The following KCNJ14 variants were observed in gnomAD, a reference collection of about 807,000 sequenced individuals.
The protein encoded by KCNJ14 is ATP-sensitive inward rectifier potassium channel 14.
KCNJ14 carries 18 observed loss-of-function variants against 24.5 expected under a neutral mutation model. That is an observed-to-expected ratio of 0.74 (90% CI 0.51 to 1.09). KCNJ14 has a LOEUF of 1.09. KCNJ14 is among the 50% of genes least tolerant of loss of function. KCNJ14 has a pLI of 0.00. For missense variants in KCNJ14, 633 were observed against 623.0 expected (o/e 1.02, Z -0.17); for synonymous variants, 288 against 270.8 (o/e 1.06, Z -0.63).
Position 48,462,426 on chromosome 19 carries a change from C to T in KCNJ14, c.702C>T (p.Ala234=), listed in dbSNP as rs1397617352. 4 of 1,479,030 alleles carry T rather than the reference C, an allele frequency of 2.7e-6. No homozygotes were observed. The highest frequency in any genetic ancestry group is 2.7e-6 in the Non-Finnish European group (3 of 1,111,134). 91.6% of individuals were successfully genotyped at this position (1,479,030 alleles called of 1,614,324 possible). A position where few individuals can be genotyped will look rare whatever the true frequency, so the allele number is the denominator to read the frequency against. The change falls in exon 2 of 3, where the codon GCC becomes GCT. Residue 234 remains alanine (A), a synonymous_variant. Transcript: ENST00000342291. The surrounding 1 kb of genome is among the most constrained non-coding windows in gnomAD (Gnocchi z 4.9). ...ACCTGGTCGAGGCCCACGTGCGTGC[C>T]CAGCTGCTGCAGGTGCGCCCGGGAG... is the stretch of plus-strand genomic sequence containing the variant. The part of the protein sequence containing the change: ...RSHLVEAHVR[A]QLLQPRVTPE...
rs945716911 is a variant in KCNJ14 at position 48,455,765 on chromosome 19, G to A, written c.-149G>A. 2 of 152,262 alleles carry A rather than the reference G, an allele frequency of 1.3e-5. No individual in the cohort carries two copies. Among genetic ancestry groups the A allele is most frequent in the Admixed American group, 6.5e-5 (1 of 15,276 alleles). 9.4% of individuals were successfully genotyped at this position (152,262 alleles called of 1,614,324 possible). On this transcript the variant is annotated 5_prime_UTR_variant, in exon 1 of 3. Transcript: ENST00000342291. Reference sequence around the variant, plus strand: ...CAACCAGCATTCCCCCTGGCACTGCGGGGGCCTGGCCAGCTCATGGCGTTC... The same window carrying A: ...CAACCAGCATTCCCCCTGGCACTGCAGGGGCCTGGCCAGCTCATGGCGTTC...
chr19:48,462,074 A>T lies in KCNJ14; in HGVS notation c.350A>T (p.Asp117Val), dbSNP rs1601011552. Reference sequence around the variant, plus strand: ...TGGCTCATTGCCTCGCTGCACGGCGACCTGGCCGCCCCGCCACCGCCCGCG... The same window carrying T: ...TGGCTCATTGCCTCGCTGCACGGCGTCCTGGCCGCCCCGCCACCGCCCGCG... ...AFWLIASLHG[D>V]LAAPPPPAPC... Residue 117 changes from aspartate to valine, a missense_variant, in exon 2 of 3, where the codon GAC (aspartate) becomes GTC (valine). Coordinates refer to ENST00000342291, the MANE Select transcript of KCNJ14 (RefSeq NM_013348.4). This position sits in a 1 kb window ranked among gnomAD's most constrained non-coding sequence, Gnocchi z 4.9. 6.2e-7 allele frequency: 1 copy of T among 1,606,794 alleles called. No individual in the cohort carries two copies. Among genetic ancestry groups the T allele is most frequent in the Non-Finnish European group, 8.5e-7 (1 of 1,178,578 alleles).
intron 1 of KCNJ14, among the ~76,000 whole-genome samples, chr19:48,459,337 T>G (rs970606677): frequency 6.6e-6 from 1 of 151,828 alleles, no homozygotes; most frequent in Admixed American, 6.6e-5. Flanking sequence ...AAGTTCCTCA[T>G]CAGGTATATG....
In KCNJ14 at chr19:48,462,504, AG is replaced by A; in HGVS notation, c.714+69del. On this transcript the variant is annotated intron_variant, in intron 2 of 2. Transcript: ENST00000342291. This position sits in a 1 kb window ranked among gnomAD's most constrained non-coding sequence, Gnocchi z 4.9. Reference sequence around the variant, plus strand: ...GGGGATTGTGGGAGATGTAGGCCCGAGGGCGAGGGGCGTGCGGTCCTGGAGG... The same window carrying A: ...GGGGATTGTGGGAGATGTAGGCCCGAGGCGAGGGGCGTGCGGTCCTGGAGG... 1.6e-6 allele frequency: 2 copies of A among 1,262,134 alleles called. No individual in the cohort carries two copies. The highest frequency in any genetic ancestry group is 3.1e-5 in the South Asian group (2 of 64,454). 78.2% of individuals were successfully genotyped at this position (1,262,134 alleles called of 1,614,324 possible). A position where few individuals can be genotyped will look rare whatever the true frequency, so the allele number is the denominator to read the frequency against.
rs1247952472 is a variant in KCNJ14 at position 48,462,970 on chromosome 19, C to T, written c.714+532C>T. On this transcript the variant is annotated intron_variant, in intron 2 of 2. Coordinates refer to ENST00000342291, the MANE Select transcript of KCNJ14 (RefSeq NM_013348.4). This position sits in a 1 kb window ranked among gnomAD's most constrained non-coding sequence, Gnocchi z 4.9. ...TCGCTGTGGAGCACAGTTCTCCAGGCCTCTAGGTGTGGGGTCCTGCGGCAT... is the reference window on the plus strand; with the variant it reads ...TCGCTGTGGAGCACAGTTCTCCAGGTCTCTAGGTGTGGGGTCCTGCGGCAT... Among the ~76,000 whole-genome samples the T allele has an allele frequency of 6.6e-6, 1 of 152,162 alleles. No individual in the cohort carries two copies. The highest frequency in any genetic ancestry group is 1.5e-5 in the Non-Finnish European group (1 of 68,018).
rs1971657608 is a variant in KCNJ14 at position 48,466,731 on chromosome 19, T to G, written c.*1954T>G. ...GGGATTTCCCTCCTCTCCCCAGTGC[T>G]GGATCATACGGCCTTCCAGGAGACG... On this transcript the variant is annotated 3_prime_UTR_variant, in exon 3 of 3. Coordinates refer to ENST00000342291, the MANE Select transcript of KCNJ14 (RefSeq NM_013348.4). 6.6e-6 allele frequency: 1 copy of G among 152,284 alleles called. No individual in the cohort carries two copies. The highest frequency in any genetic ancestry group is 1.5e-5 in the Non-Finnish European group (1 of 68,080). 9.4% of individuals were successfully genotyped at this position (152,284 alleles called of 1,614,324 possible). A position where few individuals can be genotyped will look rare whatever the true frequency, so the allele number is the denominator to read the frequency against.
Position 48,464,487 on chromosome 19 carries a change from C to A in KCNJ14, c.1021C>A (p.Gln341Lys), listed in dbSNP as rs1319375830. 9.9e-6 allele frequency: 16 copies of A among 1,613,982 alleles called. 1 individual carries two copies. The South Asian group carries it at 1.8e-4, about 18-fold the overall frequency. ...FEPVLFQRGS[Q>K]YEVDYRHFHR... ...GCCAGTTCTCTTCCAGCGTGGCTCC[C>A]AGTATGAGGTCGACTATCGCCACTT... The change falls in exon 3 of 3, where the codon CAG (glutamine) becomes AAG (lysine). Residue 341 changes from glutamine to lysine, a missense_variant. Gln to Lys is a moderately conservative substitution (Grantham distance 53, BLOSUM62 1). Coordinates refer to ENST00000342291, the MANE Select transcript of KCNJ14 (RefSeq NM_013348.4).
chr19:48,461,560 T>G, intron 1 of KCNJ14, 110 bp from the exon 2 acceptor site: 2 of 376,722 alleles, frequency 5.3e-6, no homozygotes, highest in Non-Finnish European at 4.5e-6. Flanking sequence ...ATGCGTATCG[T>G]TCCACCTATT....
intron 1 of KCNJ14, among the ~76,000 whole-genome samples, chr19:48,457,788 C>A (rs1052431637): frequency 2.0e-5 from 3 of 152,124 alleles, no homozygotes; most frequent in Non-Finnish European, 4.4e-5. Context: ...AGTGATTCTC[C>A]CACCTCAGCC....
At position 48,462,454 on chromosome 19, in the gene KCNJ14, G is replaced by A. The variant is rs767621898; in HGVS notation, c.714+16G>A. 9.6e-6 allele frequency: 14 copies of A among 1,454,774 alleles called. No individual in the cohort carries two copies. The highest frequency in any genetic ancestry group is 2.5e-5 in the East Asian group (1 of 39,806). 90.1% of individuals were successfully genotyped at this position (1,454,774 alleles called of 1,614,324 possible). On this transcript the variant is annotated intron_variant, in intron 2 of 2. Coordinates refer to ENST00000342291, the MANE Select transcript of KCNJ14 (RefSeq NM_013348.4). This position sits in a 1 kb window ranked among gnomAD's most constrained non-coding sequence, Gnocchi z 4.9. The stretch of plus-strand genomic sequence containing the variant: ...GCTGCTGCAGGTGCGCCCGGGAGGA[G>A]AGGCGGGGACTTCCGTGAGCCCTGG...
chr19:48,464,655 A>AGCT lies in KCNJ14; in HGVS notation c.1195_1197dup (p.Cys399dup). Reference sequence around the variant, plus strand: ...TTGTTATGAGAATGAACTTGCTCTGAGCTGCTGCCAGGAGGAAGATGAGGA... The same window carrying AGCT: ...TTGTTATGAGAATGAACTTGCTCTGAGCTGCTGCTGCCAGGAGGAAGATGAGGA... On this transcript the variant is annotated inframe_insertion, in exon 3 of 3. Transcript: ENST00000342291. 1 of 1,613,988 alleles carries AGCT rather than the reference A, an allele frequency of 6.2e-7. No individual in the cohort carries two copies. Among genetic ancestry groups the AGCT allele is most frequent in the Non-Finnish European group, 8.5e-7 (1 of 1,179,996 alleles).
rs1971614182 is a variant in KCNJ14 at position 48,462,578 on chromosome 19, A to C, written c.714+140A>C. On this transcript the variant is annotated intron_variant, in intron 2 of 2. Coordinates refer to ENST00000342291, the MANE Select transcript of KCNJ14 (RefSeq NM_013348.4). The surrounding 1 kb of genome is among the most constrained non-coding windows in gnomAD (Gnocchi z 4.9). The stretch of plus-strand genomic sequence containing the variant: ...CAGCCTCTTGGGCCTGGGGCCTGCG[A>C]ATGGGTCACTGGGCAGCTGGGGATG... The C allele has an allele frequency of 1.6e-6, 1 of 627,378 alleles. No individual in the cohort carries two copies. Among genetic ancestry groups the C allele is most frequent in the African/African-American group, 1.9e-5 (1 of 52,438 alleles). 38.9% of individuals were successfully genotyped at this position (627,378 alleles called of 1,614,324 possible).
At position 48,461,918 on chromosome 19, in the gene KCNJ14, A is replaced by G; in HGVS notation, c.194A>G (p.Asn65Ser). Residue 65 changes from asparagine to serine, a missense_variant, in exon 2 of 3, where the codon AAC becomes AGC. Physicochemically the swap from Asn to Ser is conservative, Grantham distance 46 (BLOSUM62 1). Coordinates refer to ENST00000342291, the MANE Select transcript of KCNJ14 (RefSeq NM_013348.4). Reference sequence around the variant, plus strand: ...GGGCACTGCAACGTGCGTTTCGTAAACCTGGGTGGCCAGGGCGCGCGCTAC... The same window carrying G: ...GGGCACTGCAACGTGCGTTTCGTAAGCCTGGGTGGCCAGGGCGCGCGCTAC... ...KDGHCNVRFV[N>S]LGGQGARYLS... is the part of the protein sequence containing the mutation. The G allele has an allele frequency of 1.2e-6, 2 of 1,608,582 alleles. No homozygotes were observed. The highest frequency in any genetic ancestry group is 2.2e-5 in the South Asian group (2 of 90,576).
chr19:48,461,867 G>A lies in KCNJ14; in HGVS notation c.143G>A (p.Arg48His), dbSNP rs1473493939. 2 of 1,572,444 alleles carry A rather than the reference G, an allele frequency of 1.3e-6. No individual in the cohort carries two copies. Among genetic ancestry groups the A allele is most frequent in the Non-Finnish European group, 1.7e-6 (2 of 1,158,950 alleles). The change falls in exon 2 of 3, where the codon CGC becomes CAC. Residue 48 changes from arginine to histidine, a missense_variant. Arg to His is a conservative substitution (Grantham distance 29). Transcript: ENST00000342291. ...PAPVQSPVGRRRGRFVKKDGH... is the reference protein window; with the variant it reads ...PAPVQSPVGRHRGRFVKKDGH... ...CCGGTGCAGTCACCCGTGGGCCGGCGCCGCGGTCGCTTCGTCAAGAAAGAC... is the reference window on the plus strand; with the variant it reads ...CCGGTGCAGTCACCCGTGGGCCGGCACCGCGGTCGCTTCGTCAAGAAAGAC...
At chr19:48,460,433 G>A (rs1971582943) in intron 1 of KCNJ14, among the ~76,000 whole-genome samples, 1 of 152,072 alleles carries the variant, frequency 6.6e-6, no homozygotes, top group African/African-American at 2.4e-5. Flanking sequence ...AGTAGAGATG[G>A]GGTTTCTCCA....
rs1367872635 is a variant in KCNJ14, at chr19:48,461,860, G to C, written c.136G>C (p.Gly46Arg). 1 of 1,564,424 alleles carries C rather than the reference G, an allele frequency of 6.4e-7. No individual in the cohort carries two copies. The change falls in exon 2 of 3, where the codon GGC becomes CGC. Residue 46 changes from glycine (G) to arginine (R), a missense_variant. By Grantham distance (125) the Gly-to-Arg change is moderately radical. Transcript: ENST00000342291. ...GCCGGCACCGGTGCAGTCACCCGTG[G>C]GCCGGCGCCGCGGTCGCTTCGTCAA... ...WAPAPVQSPV[G>R]RRRGRFVKKD...
In KCNJ14 at chr19:48,464,574, G is replaced by C; in HGVS notation, c.1108G>C (p.Ala370Pro). 1.2e-6 allele frequency: 2 copies of C among 1,614,148 alleles called. No individual in the cohort carries two copies. The highest frequency in any genetic ancestry group is 1.7e-6 in the Non-Finnish European group (2 of 1,180,036). ...VCSAKELDER[A>P]EQASHSLKSS... ...CAGTGCTAAGGAGCTGGATGAACGG[G>C]CAGAGCAGGCTTCCCACAGCCTCAA... Residue 370 changes from alanine to proline, a missense_variant, in exon 3 of 3, where the codon GCA (alanine) becomes CCA (proline). Physicochemically the swap from Ala to Pro is conservative, Grantham distance 27. Coordinates refer to ENST00000342291, the MANE Select transcript of KCNJ14 (RefSeq NM_013348.4).
chr19:48,459,549 C>T (rs1027717329), intron 1 of KCNJ14, among the ~76,000 whole-genome samples: 10 of 152,202 alleles, frequency 6.6e-5, no homozygotes, highest in East Asian at 3.9e-4. Flanking sequence ...TTTGCATTAC[C>T]ACATCTGGCT....
chr19:48,459,102 C>T (rs1023551959), intron 1 of KCNJ14, among the ~76,000 whole-genome samples: 44 of 149,882 alleles, frequency 2.9e-4, no homozygotes, highest in Non-Finnish European at 4.3e-4. Context: ...ATTAGCCGGG[C>T]GTAGTGGCAG....
Sources: gnomAD v4.1 joint callset for allele counts (sites outside exome capture counted in the v4.1 genomes callset) on GRCh38, gnomAD v4.1.1 for gene constraint, Gnocchi (gnomAD v3.1) non-coding constraint, MANE v1.5 for transcripts, NCBI Gene and HGNC (gene_info 2026-07-23, HGNC 2026-07-21) for gene names.